TMEFF2: variants seen among roughly 807,000 people sequenced by gnomAD.
TMEFF2 encodes the protein transmembrane protein with EGF like and two follistatin like domains 2.
Under a neutral mutation model 53.8 loss-of-function variants are expected in TMEFF2, and 28 were observed. The ratio of observed to expected loss-of-function variants is 0.52; its 90% confidence interval spans 0.39 to 0.71. The LOEUF (loss-of-function observed/expected upper bound fraction) is 0.71. Ranked by LOEUF, TMEFF2 falls within the 30% of genes least tolerant of loss-of-function variation. The pLI is 0.00. For missense variants in TMEFF2, 353 were observed against 455.2 expected (o/e 0.78, Z 2.04); for synonymous variants, 162 against 166.3 (o/e 0.97, Z 0.20).
chr2:192,178,824 G>A (rs1385331043), intron 4 of TMEFF2: 1 of 151,226 alleles, frequency 6.6e-6, no homozygotes, highest in African/African-American at 2.4e-5. Flanking sequence ...CACAACTGAA[G>A]CAAGGTCTTG....
intron 7 of TMEFF2, among the ~76,000 whole-genome samples, chr2:191,963,321 T>C (rs774523260): frequency 6.6e-6 from 1 of 152,174 alleles, no homozygotes; most frequent in Non-Finnish European, 1.5e-5. Context: ...TTGGCCAAAA[T>C]TATTTGCTTG....
At chr2:192,047,234 G>T (rs1687644660) in intron 5 of TMEFF2, among the ~76,000 whole-genome samples, 2 of 152,100 alleles carry the variant, frequency 1.3e-5, no homozygotes, top group African/African-American at 4.8e-5. Context: ...AGATACCTAT[G>T]TTTATTACAG....
chr2:192,082,602 CT>C (rs1405410076), intron 4 of TMEFF2, among the ~76,000 whole-genome samples: 2 of 151,944 alleles, frequency 1.3e-5, no homozygotes, highest in African/African-American at 4.8e-5. Flanking sequence ...GAGTAAACAT[CT>C]TTCTATATGT....
rs775749238 is a variant in TMEFF2 at position 192,119,243 on chromosome 2, T to C, written c.439+60425A>G. Among the ~76,000 whole-genome samples the C allele has an allele frequency of 2.4e-4, 37 of 152,200 alleles. 1 individual carries two copies. The highest frequency in any genetic ancestry group is 1.6e-3 in the Admixed American group (24 of 15,282). On this transcript the variant is annotated intron_variant, in intron 4 of 9. Coordinates refer to ENST00000272771, the MANE Select transcript of TMEFF2 (RefSeq NM_016192.4). ...TAAAAATGGAGTGAATATTGTGTAA[T>C]ACAAATCTACTAGTGAGAAAATGAA...
intron 5 of TMEFF2, among the ~76,000 whole-genome samples, chr2:192,008,721 C>G (rs1432371394): frequency 6.6e-6 from 1 of 152,154 alleles, no homozygotes; most frequent in Middle Eastern, 3.2e-3. Flanking sequence ...AGACTAGATT[C>G]CCACTTGCTG....
intron 7 of TMEFF2, among the ~76,000 whole-genome samples, chr2:191,989,137 A>C (rs999129081): frequency 3.3e-5 from 5 of 152,196 alleles, no homozygotes; most frequent in Non-Finnish European, 7.3e-5. Context: ...AAGGACTGAG[A>C]TATATACTAA....
At chr2:192,180,599 C>T (rs974242284) in intron 3 of TMEFF2, among the ~76,000 whole-genome samples, 1 of 151,618 alleles carries the variant, frequency 6.6e-6, no homozygotes, top group Non-Finnish European at 1.5e-5. Context: ...GCCTGATGTG[C>T]CCTTATTCCA....
At chr2:192,008,582 C>T (rs759772857) in intron 5 of TMEFF2, among the ~76,000 whole-genome samples, 2 of 152,090 alleles carry the variant, frequency 1.3e-5, no homozygotes, top group Admixed American at 6.5e-5. Context: ...CAGAGAAGTG[C>T]GGTCGCTCCG....
chr2:192,098,546 A>G (rs1688965646), intron 4 of TMEFF2, among the ~76,000 whole-genome samples: 1 of 152,212 alleles, frequency 6.6e-6, no homozygotes. Flanking sequence ...GGGAGAACCA[A>G]GGTACTACCA....
chr2:192,124,641 GAAAC>G (rs1689634204), intron 4 of TMEFF2, among the ~76,000 whole-genome samples: 1 of 152,176 alleles, frequency 6.6e-6, no homozygotes. Flanking sequence ...CAACCTCAGA[GAAAC>G]AGACTGTACA....
At chr2:192,060,527 ATGTTT>A (rs779017642) in intron 4 of TMEFF2, among the ~76,000 whole-genome samples, 2 of 152,302 alleles carry the variant, frequency 1.3e-5, no homozygotes, top group Non-Finnish European at 2.9e-5. Flanking sequence ...TAGCAAGTAC[ATGTTT>A]TATTTTATAA....
intron 4 of TMEFF2, among the ~76,000 whole-genome samples, chr2:192,141,740 T>C (rs1690144935): frequency 6.6e-6 from 1 of 152,098 alleles, no homozygotes; most frequent in Admixed American, 6.5e-5. Context: ...ATTACCATGA[T>C]TGAATTTATG....
rs139328111 is a variant in TMEFF2, at chr2:192,169,690, G to A, written c.439+9978C>T. 6.4e-3 allele frequency among the ~76,000 whole-genome samples: 980 copies of A among 152,180 alleles called. 12 individuals carry two copies. The highest frequency in any genetic ancestry group is 0.022 in the African/African-American group (916 of 41,540). ...TGCTATAGATGAGAGATACCTAAGG[G>A]CTGAAATATACTATTGGTGGAGGGT... On this transcript the variant is annotated intron_variant, in intron 4 of 9. Coordinates refer to ENST00000272771, the MANE Select transcript of TMEFF2 (RefSeq NM_016192.4).
intron 4 of TMEFF2, among the ~76,000 whole-genome samples, chr2:192,161,405 G>C (rs967755619): frequency 6.6e-6 from 1 of 152,098 alleles, no homozygotes; most frequent in African/African-American, 2.4e-5. Flanking sequence ...TGCCCTCCTC[G>C]GCCTCCCAAA....
intron 4 of TMEFF2, among the ~76,000 whole-genome samples, chr2:192,126,148 A>G (rs563606443): frequency 6.6e-6 from 1 of 152,376 alleles, no homozygotes; most frequent in South Asian, 2.1e-4. Context: ...AAGCACATGT[A>G]TCAACCCAGT....
intron 5 of TMEFF2, among the ~76,000 whole-genome samples, chr2:192,002,770 C>T (rs182544508): frequency 2.4e-4 from 37 of 152,142 alleles, no homozygotes; most frequent in East Asian, 1.2e-3. Flanking sequence ...GCGGAGGTTG[C>T]GGTGAGCTGA....
chr2:191,985,219 G>A (rs996550104), intron 7 of TMEFF2, among the ~76,000 whole-genome samples: 6 of 151,980 alleles, frequency 3.9e-5, no homozygotes, highest in Non-Finnish European at 7.4e-5. Flanking sequence ...AAGAGATGTA[G>A]ATACAATATT....
chr2:192,175,905 A>G (rs1176214803), intron 4 of TMEFF2, among the ~76,000 whole-genome samples: 2 of 151,432 alleles, frequency 1.3e-5, no homozygotes, highest in Non-Finnish European at 3.0e-5. Context: ...TTTAAAAAAA[A>G]CAGTAATGGA....
At chr2:191,959,436 T>G (rs890263641) in intron 7 of TMEFF2, among the ~76,000 whole-genome samples, 1 of 152,230 alleles carries the variant, frequency 6.6e-6, no homozygotes, top group Non-Finnish European at 1.5e-5. Flanking sequence ...GGCTGTTCTA[T>G]AGTACAGCTA....
Sources: gnomAD v4.1 joint callset for allele counts (sites outside exome capture counted in the v4.1 genomes callset) on GRCh38, gnomAD v4.1.1 for gene constraint, MANE v1.5 for transcripts, NCBI Gene and HGNC (gene_info 2026-07-23, HGNC 2026-07-21) for gene names.